The following LYPD6B variants were observed in gnomAD, a reference collection of about 807,000 sequenced individuals.
LYPD6B encodes the protein LY6/PLAUR domain containing 6B.
In LYPD6B, 17 loss-of-function variants were observed where a neutral mutation model predicts 22.8. The ratio of observed to expected loss-of-function variants is 0.75; its 90% confidence interval spans 0.51 to 1.12. LYPD6B has a LOEUF of 1.12. Among genes scored for constraint, LYPD6B ranks in the 50% most tolerant of loss-of-function variants. LYPD6B has a pLI of 0.00. For missense variants in LYPD6B, 221 were observed against 258.3 expected, an observed-to-expected ratio of 0.86 and a Z score of 0.99; for synonymous variants, 106 against 91.6, an observed-to-expected ratio of 1.16 and a Z score of -0.90.
At position 149,053,399 on chromosome 2, in the gene LYPD6B, A is replaced by G. The variant is rs186128197; in HGVS notation, c.-67+14598A>G. On this transcript the variant is annotated intron_variant, in intron 1 of 6. Coordinates refer to ENST00000409642, the MANE Select transcript of LYPD6B (RefSeq NM_177964.5). ...ATTTTGATACTATAAACAACATTGC[A>G]GAGAACGTGTTTACAGCTAAAGTTG... Among the ~76,000 whole-genome samples the G allele has an allele frequency of 1.3e-3, 199 of 152,334 alleles. 2 individuals are homozygous for G. Among genetic ancestry groups the G allele is most frequent in the Non-Finnish European group, 2.0e-3 (139 of 68,022 alleles).
intron 1 of LYPD6B, among the ~76,000 whole-genome samples, chr2:149,084,404 A>G (rs1340790513): frequency 1.6e-4 from 23 of 147,564 alleles, no homozygotes; most frequent in Admixed American, 1.2e-3. Context: ...TATTTATGAC[A>G]GTTACAGGCA....
intron 3 of LYPD6B, among the ~76,000 whole-genome samples, chr2:149,195,102 C>A (rs1414255562): frequency 6.6e-6 from 1 of 152,044 alleles, no homozygotes; most frequent in Non-Finnish European, 1.5e-5. Context: ...ATTCTGTTGG[C>A]AAAAAAGGTG....
chr2:149,128,005 T>A (rs76900945), intron 1 of LYPD6B, among the ~76,000 whole-genome samples: 189 of 139,610 alleles, frequency 1.4e-3, no homozygotes, highest in East Asian at 0.01. Flanking sequence ...TTTTTTTTTT[T>A]AAAAAAGAAA....
chr2:149,150,537 G>A (rs1016434607), intron 2 of LYPD6B, among the ~76,000 whole-genome samples: 1 of 152,024 alleles, frequency 6.6e-6, no homozygotes, highest in African/African-American at 2.4e-5. Context: ...CTATATATGT[G>A]GCTGTGGAAA....
chr2:149,070,723 A>G (rs1037903746), intron 1 of LYPD6B, among the ~76,000 whole-genome samples: 3 of 152,196 alleles, frequency 2.0e-5, no homozygotes, highest in African/African-American at 4.8e-5. Flanking sequence ...TTTGAGGTCA[A>G]TTTTGAGGTG....
At chr2:149,135,176 C>T (rs547762411) in intron 2 of LYPD6B, among the ~76,000 whole-genome samples, 25 of 149,128 alleles carry the variant, frequency 1.7e-4, no homozygotes, top group Admixed American at 1.2e-3. Context: ...ACCCGGGAGA[C>T]GGAGGTTGTA....
chr2:149,165,943 G>T (rs1690392239), intron 3 of LYPD6B, among the ~76,000 whole-genome samples: 1 of 152,190 alleles, frequency 6.6e-6, no homozygotes, highest in Admixed American at 6.5e-5. Flanking sequence ...CACATTATAG[G>T]AGACCCTAAT....
At chr2:149,136,481 G>A (rs1250209896) in intron 2 of LYPD6B, among the ~76,000 whole-genome samples, 1 of 152,180 alleles carries the variant, frequency 6.6e-6, no homozygotes, top group African/African-American at 2.4e-5. Context: ...TTCCCAGATG[G>A]CAGTGGGTCA....
chr2:149,108,766 T>C (rs1686620162), intron 1 of LYPD6B, among the ~76,000 whole-genome samples: 1 of 152,196 alleles, frequency 6.6e-6, no homozygotes, highest in Non-Finnish European at 1.5e-5. Flanking sequence ...TTTGTTCCCC[T>C]TTCCTTATTT....
intron 1 of LYPD6B, among the ~76,000 whole-genome samples, chr2:149,042,203 C>A (rs570636395): frequency 6.6e-6 from 1 of 152,210 alleles, no homozygotes; most frequent in Non-Finnish European, 1.5e-5. Context: ...GTCCAAAGAG[C>A]GATAACTTTG....
intron 1 of LYPD6B, among the ~76,000 whole-genome samples, chr2:149,071,050 G>GCTCAC (rs1684579919): frequency 6.6e-6 from 1 of 152,214 alleles, no homozygotes. Flanking sequence ...AGGACTGATA[G>GCTCAC]GTGAGGGGCT....
rs144822337 is a variant in LYPD6B, at chr2:149,058,834, G to T, written c.-67+20033G>T. ...GGGGTTTCAGCATGTTGGCCAGGCT[G>T]GTCTTGAACTCCTAACCTCAGGTGA... On this transcript the variant is annotated intron_variant, in intron 1 of 6. Coordinates refer to ENST00000409642, the MANE Select transcript of LYPD6B (RefSeq NM_177964.5). Among the ~76,000 whole-genome samples the T allele has an allele frequency of 8.5e-5, 13 of 152,342 alleles. No homozygotes were observed. The East Asian group carries it at 2.5e-3, about 29-fold the overall frequency.
At chr2:149,100,532 T>G (rs563065813) in intron 1 of LYPD6B, among the ~76,000 whole-genome samples, 1 of 151,260 alleles carries the variant, frequency 6.6e-6, no homozygotes, top group African/African-American at 2.4e-5. Context: ...GCTTTTATCC[T>G]CTGGATCCCC....
Position 149,162,477 on chromosome 2 carries a change from G to A in LYPD6B, c.77+1642G>A, listed in dbSNP as rs770664975. On this transcript the variant is annotated intron_variant, in intron 3 of 6. Transcript: ENST00000409642. ...GGGCCAACCCATGTGGAGTATTTACGGCTGTGCTTTACTCGATGTCCACAC... is the reference window on the plus strand; with the variant it reads ...GGGCCAACCCATGTGGAGTATTTACAGCTGTGCTTTACTCGATGTCCACAC... Among the ~76,000 whole-genome samples the A allele has an allele frequency of 3.9e-5, 6 of 152,108 alleles. 1 individual carries two copies. The South Asian group carries it at 6.2e-4, about 16-fold the overall frequency.
chr2:149,097,266 A>G (rs796654771), intron 1 of LYPD6B, among the ~76,000 whole-genome samples: 1 of 152,360 alleles, frequency 6.6e-6, no homozygotes, highest in African/African-American at 2.4e-5. Flanking sequence ...GAGGCCTTCA[A>G]GAACAAGATG....
intron 1 of LYPD6B, among the ~76,000 whole-genome samples, chr2:149,126,965 G>T (rs1687736137): frequency 6.8e-6 from 1 of 147,696 alleles, no homozygotes. Context: ...TGTCAGGTCA[G>T]TAATTCTCTA....
In LYPD6B at chr2:149,214,636, AG is replaced by A; in HGVS notation, c.551del (p.Arg184LysfsTer45). The A allele has an allele frequency of 6.2e-7, 1 of 1,613,982 alleles. No homozygotes were observed. The highest frequency in any genetic ancestry group is 8.5e-7 in the Non-Finnish European group (1 of 1,179,854). Reference protein sequence around the residue: ...NAVFAVMHAQRTSGSSAPTLY... With the variant: ...NAVFAVMHAQXTSGSSAPTLY... ...AGTGTTTGCCGTAATGCACGCTCAG[AG>A]AACATCTGGCAGCAGTGCCCCCACA... On this transcript the variant is annotated frameshift_variant, in exon 7 of 7. Coordinates refer to ENST00000409642, the MANE Select transcript of LYPD6B (RefSeq NM_177964.5). LOFTEE classifies it low-confidence loss of function (END_TRUNC).
At chr2:149,119,345 G>T (rs1231190135) in intron 1 of LYPD6B, among the ~76,000 whole-genome samples, 1 of 152,208 alleles carries the variant, frequency 6.6e-6, no homozygotes, top group Non-Finnish European at 1.5e-5. Flanking sequence ...TAAAGCGTAA[G>T]AAGCTTTATG....
chr2:149,088,683 A>G (rs998667355), intron 1 of LYPD6B, among the ~76,000 whole-genome samples: 6 of 152,238 alleles, frequency 3.9e-5, no homozygotes, highest in African/African-American at 1.4e-4. Context: ...AAGCACATAC[A>G]ATAACATTCA....
Sources: gnomAD v4.1 joint callset for allele counts (sites outside exome capture counted in the v4.1 genomes callset) on GRCh38, gnomAD v4.1.1 for gene constraint, MANE v1.5 for transcripts, NCBI Gene and HGNC (gene_info 2026-07-23, HGNC 2026-07-21) for gene names.